The following NOS1AP variants were observed in gnomAD, a reference collection of about 807,000 sequenced individuals.
NOS1AP encodes carboxyl-terminal PDZ ligand of neuronal nitric oxide synthase protein.
A neutral mutation model predicts 56.2 loss-of-function variants in NOS1AP; 21 were observed. The ratio of observed to expected loss-of-function variants is 0.37; its 90% confidence interval spans 0.26 to 0.54. NOS1AP has a LOEUF of 0.54. Ranked by LOEUF, NOS1AP falls within the 20% of genes least tolerant of loss-of-function variation. The pLI is 0.84. For missense variants in NOS1AP, 522 were observed against 657.8 expected (o/e 0.79, Z 2.26); for synonymous variants, 270 against 274.6 (o/e 0.98, Z 0.17).
intron 4 of NOS1AP, among the ~76,000 whole-genome samples, chr1:162,316,410 T>G (rs563511588): frequency 6.6e-6 from 1 of 152,188 alleles, no homozygotes; most frequent in African/African-American, 2.4e-5. Flanking sequence ...CCTTTGAAAA[T>G]GCACACCCTC....
intron 2 of NOS1AP, among the ~76,000 whole-genome samples, chr1:162,231,346 G>A (rs1439994330): frequency 6.6e-6 from 1 of 152,092 alleles, no homozygotes; most frequent in Non-Finnish European, 1.5e-5. Context: ...TGGCTTTTGT[G>A]TTGTTGAGCT....
intron 2 of NOS1AP, among the ~76,000 whole-genome samples, chr1:162,221,817 A>G (rs892089270): frequency 5.9e-5 from 9 of 152,220 alleles, no homozygotes; most frequent in South Asian, 2.1e-4. Flanking sequence ...AAATGGGATC[A>G]TACTATATAC....
chr1:162,272,793 G>C (rs1407230909), intron 2 of NOS1AP, among the ~76,000 whole-genome samples: 3 of 152,192 alleles, frequency 2.0e-5, no homozygotes, highest in Non-Finnish European at 4.4e-5. Flanking sequence ...TTTGCTCTGA[G>C]AAACTAGGCT....
In NOS1AP at chr1:162,368,842, G is replaced by A. The variant is rs941197350; in HGVS notation, c.*1375G>A. 6.6e-6 allele frequency: 1 copy of A among 152,210 alleles called. No individual in the cohort carries two copies. Among genetic ancestry groups the A allele is most frequent in the Admixed American group, 6.5e-5 (1 of 15,282 alleles). 9.4% of individuals were successfully genotyped at this position (152,210 alleles called of 1,614,324 possible). On this transcript the variant is annotated 3_prime_UTR_variant, in exon 10 of 10. Transcript: ENST00000361897. ...AGACAACAAGGTACAGATGCAAACTGCAGTGTTATTGGAGGGTCAATCGGC... is the reference window on the plus strand; with the variant it reads ...AGACAACAAGGTACAGATGCAAACTACAGTGTTATTGGAGGGTCAATCGGC...
intron 2 of NOS1AP, among the ~76,000 whole-genome samples, chr1:162,244,902 C>T (rs138293650): frequency 5.4e-4 from 82 of 152,272 alleles, no homozygotes; most frequent in Non-Finnish European, 1.0e-3. Context: ...CCTGGGCATG[C>T]ATGAGTATAC....
chr1:162,301,140 T>G (rs78547466), intron 4 of NOS1AP, among the ~76,000 whole-genome samples: 3,603 of 152,316 alleles, frequency 0.024, 64 homozygotes, highest in African/African-American at 0.041. Flanking sequence ...TTTCATGCAG[T>G]AATCGAAAGT....
chr1:162,129,279 G>A (rs1033168734), intron 1 of NOS1AP, among the ~76,000 whole-genome samples: 5 of 152,028 alleles, frequency 3.3e-5, no homozygotes, highest in Non-Finnish European at 7.4e-5. Flanking sequence ...TTGTGTTATT[G>A]TATAACTGGT....
intron 2 of NOS1AP, among the ~76,000 whole-genome samples, chr1:162,183,851 A>G (rs934589260): frequency 6.6e-6 from 1 of 152,232 alleles, no homozygotes; most frequent in African/African-American, 2.4e-5. Context: ...AACTTTTTCC[A>G]TATCAGCCAT....
chr1:162,367,546 A>C lies in NOS1AP; in HGVS notation c.*79A>C. On this transcript the variant is annotated 3_prime_UTR_variant, in exon 10 of 10. Coordinates refer to ENST00000361897, the MANE Select transcript of NOS1AP (RefSeq NM_014697.3). The surrounding 1 kb of genome is among the most constrained non-coding windows in gnomAD (Gnocchi z 6.5). ...GCTGCTGCCCGGGTAGGGGATGCCC[A>C]GTGAATGTGCACTGCCGAGGAGAAT... is the stretch of plus-strand genomic sequence containing the variant. 1 of 1,445,666 alleles carries C rather than the reference A, an allele frequency of 6.9e-7. No individual in the cohort carries two copies. Among genetic ancestry groups the C allele is most frequent in the Non-Finnish European group, 9.2e-7 (1 of 1,083,102 alleles). The allele number at this position is 1,445,666 out of a possible 1,614,324, so 89.6% of individuals were successfully genotyped here. A position where few individuals can be genotyped will look rare whatever the true frequency, so the allele number is the denominator to read the frequency against.
At chr1:162,236,238 C>T (rs915075945) in intron 2 of NOS1AP, among the ~76,000 whole-genome samples, 29 of 152,152 alleles carry the variant, frequency 1.9e-4, no homozygotes, top group African/African-American at 6.8e-4. Flanking sequence ...AGTAGCTGTC[C>T]AACTTTCTAA....
At chr1:162,159,779 T>C (rs1177119262) in intron 2 of NOS1AP, among the ~76,000 whole-genome samples, 1 of 152,200 alleles carries the variant, frequency 6.6e-6, no homozygotes, top group Admixed American at 6.5e-5. Flanking sequence ...CCATGAAATC[T>C]GGGGAGGCTC....
chr1:162,355,407 T>A (rs1657670623), intron 7 of NOS1AP, 54 bp downstream of exon 7: 1 of 1,606,574 alleles, frequency 6.2e-7, no homozygotes. Context: ...CCTCAGGTCA[T>A]CAGTCACTTC....
chr1:162,270,189 C>T (rs1348053892), intron 2 of NOS1AP, among the ~76,000 whole-genome samples: 3 of 152,150 alleles, frequency 2.0e-5, no homozygotes, highest in African/African-American at 7.2e-5. Context: ...GTATACTTTT[C>T]TCACCCCATG....
intron 2 of NOS1AP, among the ~76,000 whole-genome samples, chr1:162,196,439 A>G (rs1203592907): frequency 6.6e-6 from 1 of 152,200 alleles, no homozygotes; most frequent in African/African-American, 2.4e-5. Flanking sequence ...AGAACTCCGT[A>G]TGTTGCGGGG....
intron 1 of NOS1AP, among the ~76,000 whole-genome samples, chr1:162,140,802 A>T (rs1649204104): frequency 6.6e-6 from 1 of 152,032 alleles, no homozygotes. Flanking sequence ...AACCTGACCG[A>T]CATCCGTAAT....
Position 162,217,267 on chromosome 1 carries a change from C to CTTTTTTTTTTTT in NOS1AP, c.177+62794_177+62805dup, listed in dbSNP as rs61378473. Reference sequence around the variant, plus strand: ...TGGGTCCTGAAACAGCTGTTGTTAGCTTTTTTTTTTTTTTGAGATGAAGTC... The same window carrying CTTTTTTTTTTTT: ...TGGGTCCTGAAACAGCTGTTGTTAGCTTTTTTTTTTTTTTTTTTTTTTTTTTGAGATGAAGTC... On this transcript the variant is annotated intron_variant, in intron 2 of 9. Coordinates refer to ENST00000361897, the MANE Select transcript of NOS1AP (RefSeq NM_014697.3). Among the ~76,000 whole-genome samples, 319 of 68,354 alleles carry CTTTTTTTTTTTT rather than the reference C, an allele frequency of 4.7e-3. 94 individuals are homozygous for CTTTTTTTTTTTT. Among genetic ancestry groups the CTTTTTTTTTTTT allele is most frequent in the Middle Eastern group, 0.015 (1 of 68 alleles). The allele number at this position is 68,354 out of a possible 152,430, so 44.8% of individuals were successfully genotyped here. A position where few individuals can be genotyped will look rare whatever the true frequency, so the allele number is the denominator to read the frequency against.
chr1:162,286,527 A>C (rs1571191134), intron 2 of NOS1AP, among the ~76,000 whole-genome samples: 1 of 152,248 alleles, frequency 6.6e-6, no homozygotes, highest in Non-Finnish European at 1.5e-5. Context: ...TTATACCACC[A>C]GTTATGAATA....
chr1:162,150,901 C>T (rs147735238), intron 1 of NOS1AP, among the ~76,000 whole-genome samples: 77 of 152,218 alleles, frequency 5.1e-4, no homozygotes, highest in African/African-American at 1.7e-3. Flanking sequence ...TTTCTCCCAT[C>T]CTGTGGATTG....
chr1:162,146,657 C>T (rs144345221), intron 1 of NOS1AP, among the ~76,000 whole-genome samples: 13 of 152,334 alleles, frequency 8.5e-5, no homozygotes, highest in African/African-American at 2.6e-4. Flanking sequence ...TTCCCATAAT[C>T]TCTGCCTGTT....
Sources: allele counts gnomAD v4.1 joint callset (sites outside exome capture counted in the v4.1 genomes callset), GRCh38; gene constraint gnomAD v4.1.1; non-coding constraint Gnocchi (gnomAD v3.1); transcripts MANE v1.5; gene names NCBI Gene and HGNC (gene_info 2026-07-23, HGNC 2026-07-21).